Variants in MACC1 observed in about 807,000 individuals in gnomAD.
The protein encoded by MACC1 is metastasis-associated in colon cancer protein 1.
A neutral mutation model predicts 70.7 loss-of-function variants in MACC1; 79 were observed. The ratio of observed to expected loss-of-function variants is 1.12; its 90% confidence interval spans 0.93 to 1.35. MACC1 has a LOEUF of 1.35. Ranked by LOEUF, MACC1 falls within the 40% of genes most tolerant of loss-of-function variation. MACC1 has a pLI of 0.00. For missense variants in MACC1, 1,106 were observed against 978.1 expected, an observed-to-expected ratio of 1.13 and a Z score of -1.74; for synonymous variants, 361 against 347.2, an observed-to-expected ratio of 1.04 and a Z score of -0.44.
chr7:20,158,090 A>T, intron 5 of MACC1, 114 bp downstream of exon 5: 1 of 1,295,692 alleles, frequency 7.7e-7, no homozygotes, highest in Non-Finnish European at 1.0e-6. Context: ...TCTTTAATGT[A>T]TTTAAGACTG....
At chr7:20,148,792 A>C (rs1040924848) in intron 6 of MACC1, among the ~76,000 whole-genome samples, 6 of 152,200 alleles carry the variant, frequency 3.9e-5, no homozygotes, top group African/African-American at 1.2e-4. Context: ...GACAATGGTA[A>C]TCTAAATAAC....
intron 6 of MACC1, among the ~76,000 whole-genome samples, chr7:20,142,366 T>C (rs1781818248): frequency 6.6e-6 from 1 of 152,206 alleles, no homozygotes; most frequent in Admixed American, 6.5e-5. Flanking sequence ...AAACTGGCAT[T>C]CCTGGGAAGC....
rs1781792408 is a variant in MACC1 at position 20,141,033 on chromosome 7, G to A, written c.2472C>T (p.His824=). The A allele has an allele frequency of 6.2e-7, 1 of 1,613,926 alleles. No individual in the cohort carries two copies. Among genetic ancestry groups the A allele is most frequent in the Admixed American group, 1.7e-5 (1 of 59,994 alleles). ...TTAAAACTCCAGTTAATTCTCTCCA[G>A]TGTTTAGTCACAGGGTTTTTCATTC... The part of the protein sequence containing the change: ...LDRMKNPVTK[H]WRELTGVLIL... Residue 824 remains histidine (H), a synonymous_variant, in exon 7 of 7, where the codon CAC becomes CAT. Coordinates refer to ENST00000400331, the MANE Select transcript of MACC1 (RefSeq NM_182762.4).
At chr7:20,183,818 C>G (rs1782546800) in intron 1 of MACC1, among the ~76,000 whole-genome samples, 1 of 151,726 alleles carries the variant, frequency 6.6e-6, no homozygotes, top group African/African-American at 2.4e-5. Flanking sequence ...AGCAATTCTC[C>G]TGCCTCAGCT....
At chr7:20,148,760 G>A (rs947212741) in intron 6 of MACC1, among the ~76,000 whole-genome samples, 4 of 152,076 alleles carry the variant, frequency 2.6e-5, no homozygotes, top group Non-Finnish European at 5.9e-5. Context: ...AGTAGACATG[G>A]TAATCTAAAT....
chr7:20,166,759 C>T (rs1782226347), intron 2 of MACC1, among the ~76,000 whole-genome samples: 3 of 152,172 alleles, frequency 2.0e-5, no homozygotes, highest in Admixed American at 6.5e-5. Flanking sequence ...TTCATCAATA[C>T]GTCATCTTGT....
intron 1 of MACC1, among the ~76,000 whole-genome samples, chr7:20,198,078 T>C (rs1782781961): frequency 1.8e-5 from 2 of 108,852 alleles, no homozygotes; most frequent in Admixed American, 2.0e-4. Context: ...CAGTGGCTAA[T>C]CCAGGTGGTA....
At chr7:20,175,616 G>A (rs1782379389) in intron 1 of MACC1, among the ~76,000 whole-genome samples, 1 of 152,078 alleles carries the variant, frequency 6.6e-6, no homozygotes, top group East Asian at 1.9e-4. Context: ...ATATTAGGGG[G>A]TTTTGTGCCT....
intron 3 of MACC1, 51 bp downstream of exon 3, chr7:20,164,205 G>T (rs548491196): frequency 6.6e-6 from 1 of 152,318 alleles, no homozygotes; most frequent in South Asian, 2.1e-4. Context: ...CCAAAGTGCT[G>T]GGATTACAGG....
chr7:20,141,537 C>T (rs1781802346), intron 6 of MACC1, among the ~76,000 whole-genome samples: 1 of 108,600 alleles, frequency 9.2e-6, no homozygotes, highest in African/African-American at 4.7e-5. Flanking sequence ...TATTATTATA[C>T]CTATCTGTGG....
chr7:20,185,398 A>G (rs1782570847), intron 1 of MACC1, among the ~76,000 whole-genome samples: 1 of 152,202 alleles, frequency 6.6e-6, no homozygotes, highest in Admixed American at 6.5e-5. Flanking sequence ...GTAATCATAG[A>G]AAAGAGACAA....
chr7:20,158,408 T>G lies in MACC1; in HGVS notation c.1953A>C (p.Ser651=). The stretch of plus-strand genomic sequence containing the variant: ...TTTCTGACACCAAGGTTAATACAAC[T>G]GAGTAGATATAAGTCAATTTTTTTA... The part of the protein sequence containing the change: ...LPLKKLTYIY[S]VVLTLVSEKV... Residue 651 remains serine (S), a synonymous_variant, in exon 5 of 7, where the codon TCA becomes TCC. Transcript: ENST00000400331. 6.2e-7 allele frequency: 1 copy of G among 1,613,868 alleles called. No homozygotes were observed. The highest frequency in any genetic ancestry group is 2.2e-5 in the East Asian group (1 of 44,860).
At chr7:20,187,312 A>G (rs1183884316) in intron 1 of MACC1, among the ~76,000 whole-genome samples, 1 of 152,216 alleles carries the variant, frequency 6.6e-6, no homozygotes, top group African/African-American at 2.4e-5. Context: ...AATGAAAAAC[A>G]GAGTGAAGAG....
At chr7:20,211,396 T>C (rs112574105) in intron 1 of MACC1, among the ~76,000 whole-genome samples, 1,965 of 152,270 alleles carry the variant, frequency 0.013, 39 homozygotes, top group African/African-American at 0.045. Context: ...TAAGTGCCTG[T>C]TAAATGGAAA....
chr7:20,168,450 G>A (rs1562589607), intron 2 of MACC1, among the ~76,000 whole-genome samples: 1 of 152,234 alleles, frequency 6.6e-6, no homozygotes, highest in East Asian at 1.9e-4. Flanking sequence ...AGGTAAACAT[G>A]ATTAGTTACA....
intron 1 of MACC1, among the ~76,000 whole-genome samples, chr7:20,174,797 A>T (rs1459844391): frequency 6.6e-6 from 1 of 152,132 alleles, no homozygotes; most frequent in Admixed American, 6.6e-5. Context: ...ACATTAATTT[A>T]AATACTCTTT....
Position 20,159,706 on chromosome 7 carries a change from T to G in MACC1, c.655A>C (p.Asn219His). ...AATTGTACTGACCCTCCTTGATGGT[T>G]TACTTTGCAAGCTATGGTGACCTCC... ...LAEVTIACKV[N>H]HQGGSVQLPE... is the part of the protein sequence containing the mutation. The change falls in exon 5 of 7, where the codon AAC becomes CAC. Residue 219 changes from asparagine to histidine, a missense_variant. Coordinates refer to ENST00000400331, the MANE Select transcript of MACC1 (RefSeq NM_182762.4). 6.2e-7 allele frequency: 1 copy of G among 1,614,164 alleles called. No individual in the cohort carries two copies. The highest frequency in any genetic ancestry group is 8.5e-7 in the Non-Finnish European group (1 of 1,180,018).
chr7:20,149,967 T>A (rs1458518356), intron 6 of MACC1, among the ~76,000 whole-genome samples: 1 of 152,166 alleles, frequency 6.6e-6, no homozygotes, highest in Admixed American at 6.5e-5. Context: ...ATTACACAAA[T>A]ACATTCACCT....
chr7:20,172,270 C>T (rs984981472), intron 1 of MACC1, among the ~76,000 whole-genome samples: 4 of 152,180 alleles, frequency 2.6e-5, no homozygotes, highest in African/African-American at 9.7e-5. Context: ...TGGGTTTGCC[C>T]AGGACTGCCC....
Sources: allele counts gnomAD v4.1 joint callset (sites outside exome capture counted in the v4.1 genomes callset), GRCh38; gene constraint gnomAD v4.1.1; transcripts MANE v1.5; gene names NCBI Gene and HGNC (gene_info 2026-07-23, HGNC 2026-07-21).